GSTO2: variants seen among roughly 807,000 people sequenced by gnomAD.
GSTO2 encodes glutathione S-transferase omega 2, also known as glutathione S-transferase omega-2.
GSTO2 carries 23 observed loss-of-function variants against 28.4 expected under a neutral mutation model. That is an observed-to-expected ratio of 0.81 (90% CI 0.58 to 1.15). The LOEUF (loss-of-function observed/expected upper bound fraction) is 1.15, where lower values mean the gene tolerates loss of function less well. Ranked by LOEUF, GSTO2 falls within the 50% of genes most tolerant of loss-of-function variation. The pLI, the probability that GSTO2 is intolerant of heterozygous loss-of-function variation, is 0.00. For synonymous variants in GSTO2, 109 were observed against 111.0 expected (o/e 0.98, Z 0.11); for missense variants, 298 against 297.8 (o/e 1.00, Z 0.00).
Position 104,274,950 on chromosome 10 carries a change from G to T in GSTO2, c.34+1G>T, listed in dbSNP as rs375597280. 47 of 1,596,540 alleles carry T rather than the reference G, an allele frequency of 2.9e-5. No individual in the cohort carries two copies. Among genetic ancestry groups the T allele is most frequent in the Non-Finnish European group, 4.0e-5 (47 of 1,175,002 alleles). ...GATGCGACCAGGACCCTGGGGAAAG[G>T]TGAGTGCTCTCCATGGGGTCCGCGA... is the stretch of plus-strand genomic sequence containing the variant. On this transcript the variant is annotated splice_donor_variant, in intron 2 of 6. Coordinates refer to ENST00000338595, the MANE Select transcript of GSTO2 (RefSeq NM_183239.2). LOFTEE classifies it high-confidence loss of function.
chr10:104,285,625 TG>T (rs916824682), intron 5 of GSTO2, among the ~76,000 whole-genome samples: 2 of 152,076 alleles, frequency 1.3e-5, no homozygotes, highest in African/African-American at 4.8e-5. Context: ...GTTTTGTTTT[TG>T]TTTTTATTTG....
At chr10:104,287,077 A>G (rs2012477924) in intron 5 of GSTO2, among the ~76,000 whole-genome samples, 2 of 152,210 alleles carry the variant, frequency 1.3e-5, no homozygotes, top group Admixed American at 1.3e-4. Flanking sequence ...ATTTTGAGAC[A>G]GGGTTTTACT....
chr10:104,270,300 A>C (rs1455427865), intron 1 of GSTO2, among the ~76,000 whole-genome samples: 1 of 152,232 alleles, frequency 6.6e-6, no homozygotes, highest in Non-Finnish European at 1.5e-5. Context: ...GGCGTGAGCC[A>C]CCGCGCCCGG....
Position 104,277,984 on chromosome 10 carries a change from C to T in GSTO2, c.234C>T (p.Ser78=). ...PFGHIPVLET[S]QCQLIYESVI... Reference sequence around the variant, plus strand: ...GCCACATTCCTGTCCTGGAGACCAGCCAATGTCAACTGATCTATGAATCTG... The same window carrying T: ...GCCACATTCCTGTCCTGGAGACCAGTCAATGTCAACTGATCTATGAATCTG... Residue 78 remains serine (S), a synonymous_variant, in exon 4 of 7, where the codon AGC becomes AGT. Coordinates refer to ENST00000338595, the MANE Select transcript of GSTO2 (RefSeq NM_183239.2). 1.2e-6 allele frequency: 2 copies of T among 1,613,726 alleles called. No individual in the cohort carries two copies. The highest frequency in any genetic ancestry group is 1.7e-6 in the Non-Finnish European group (2 of 1,179,642).
chr10:104,294,761 G>C (rs892309782), intron 5 of GSTO2, among the ~76,000 whole-genome samples: 2 of 152,098 alleles, frequency 1.3e-5, no homozygotes, highest in African/African-American at 2.4e-5. Flanking sequence ...CCTTGATAAG[G>C]CTTGGGTTAT....
At chr10:104,280,848 A>G (rs1226705984) in intron 5 of GSTO2, among the ~76,000 whole-genome samples, 1 of 152,210 alleles carries the variant, frequency 6.6e-6, no homozygotes, top group Non-Finnish European at 1.5e-5. Flanking sequence ...AACAGATTAA[A>G]TGTATTGATA....
Position 104,304,086 on chromosome 10 carries a change from G to A in GSTO2, c.*4802G>A, listed in dbSNP as rs2013335296. 6.6e-6 allele frequency: 1 copy of A among 152,202 alleles called. No individual in the cohort carries two copies. Among genetic ancestry groups the A allele is most frequent in the Non-Finnish European group, 1.5e-5 (1 of 68,046 alleles). 9.4% of individuals were successfully genotyped at this position (152,202 alleles called of 1,614,324 possible). On this transcript the variant is annotated 3_prime_UTR_variant, in exon 7 of 7. Transcript: ENST00000338595. Reference sequence around the variant, plus strand: ...GGTTTATATCAGCCTAGCTTAGTTTGTTTTCTGAAGTCTTCACAAATAACC... The same window carrying A: ...GGTTTATATCAGCCTAGCTTAGTTTATTTTCTGAAGTCTTCACAAATAACC...
chr10:104,302,649 A>G lies in GSTO2; in HGVS notation c.*3365A>G, dbSNP rs1344681761. The G allele has an allele frequency of 6.6e-6, 1 of 152,234 alleles. No homozygotes were observed. Among genetic ancestry groups the G allele is most frequent in the Non-Finnish European group, 1.5e-5 (1 of 68,062 alleles). 9.4% of individuals were successfully genotyped at this position (152,234 alleles called of 1,614,324 possible). Reference sequence around the variant, plus strand: ...CCACCAAATTTCGTGTTGAAATGTAATCCCCAATGCTGGTGGGAGGTGATT... The same window carrying G: ...CCACCAAATTTCGTGTTGAAATGTAGTCCCCAATGCTGGTGGGAGGTGATT... On this transcript the variant is annotated 3_prime_UTR_variant, in exon 7 of 7. Coordinates refer to ENST00000338595, the MANE Select transcript of GSTO2 (RefSeq NM_183239.2).
Position 104,297,578 on chromosome 10 carries a change from A to G in GSTO2, c.469A>G (p.Ile157Val). 1 of 1,599,726 alleles carries G rather than the reference A, an allele frequency of 6.3e-7. No homozygotes were observed. Among genetic ancestry groups the G allele is most frequent in the Non-Finnish European group, 8.6e-7 (1 of 1,167,474 alleles). The change falls in exon 6 of 7, where the codon ATT becomes GTT. Residue 157 changes from isoleucine (I) to valine (V), a missense_variant and splice_region_variant. Transcript: ENST00000338595. ...LRQEFSNLEE[I>V]LEYQNTTFFG... ...GCTTTTGCTTTGTTTCCATTTTTAGATTCTTGAGTATCAGAACACCACCTT... is the reference window on the plus strand; with the variant it reads ...GCTTTTGCTTTGTTTCCATTTTTAGGTTCTTGAGTATCAGAACACCACCTT...
chr10:104,293,585 T>TTTTTTTTTTTTTTTTTTTTTTTTTTTTTG, intron 5 of GSTO2, among the ~76,000 whole-genome samples: 1 of 145,540 alleles, frequency 6.9e-6, no homozygotes, highest in Non-Finnish European at 1.5e-5. Flanking sequence ...TTTTTTTTTT[T>TTTTTTTTTTTTTTTTTTTTTTTTTTTTTG]GCGACAAGGT....
At chr10:104,298,036 C>G (rs1258783218) in intron 6 of GSTO2, among the ~76,000 whole-genome samples, 1 of 152,142 alleles carries the variant, frequency 6.6e-6, no homozygotes, top group Non-Finnish European at 1.5e-5. Flanking sequence ...TGACGGGTCC[C>G]CAGGGGACAC....
intron 5 of GSTO2, chr10:104,295,539 G>A (rs1447545729): frequency 6.6e-6 from 1 of 152,128 alleles, no homozygotes; most frequent in Non-Finnish European, 1.5e-5. Flanking sequence ...TACTCAGTGG[G>A]GCCAGAGTGT....
At chr10:104,283,997 C>A (rs180762665) in intron 5 of GSTO2, among the ~76,000 whole-genome samples, 2 of 151,680 alleles carry the variant, frequency 1.3e-5, no homozygotes, top group Admixed American at 1.3e-4. Flanking sequence ...TTTGAAATAA[C>A]TGCCTTGTCT....
chr10:104,289,199 G>A (rs1007725659), intron 5 of GSTO2, among the ~76,000 whole-genome samples: 1 of 152,114 alleles, frequency 6.6e-6, no homozygotes, highest in Non-Finnish European at 1.5e-5. Context: ...CTCAGGCTCA[G>A]GTGATCTTCC....
intron 5 of GSTO2, among the ~76,000 whole-genome samples, chr10:104,289,474 C>T (rs562666450): frequency 1.8e-4 from 28 of 151,984 alleles, no homozygotes; most frequent in Non-Finnish European, 3.7e-4. Flanking sequence ...GTCCTTTAAT[C>T]CCCAAATTTT....
At chr10:104,284,284 C>T (rs932820500) in intron 5 of GSTO2, among the ~76,000 whole-genome samples, 1 of 151,958 alleles carries the variant, frequency 6.6e-6, no homozygotes, top group African/African-American at 2.4e-5. Flanking sequence ...CACTTGAGTC[C>T]AGGAGGTCAA....
chr10:104,274,825 A>G lies in GSTO2; in HGVS notation c.-91A>G, dbSNP rs532270091. ...ATTTGGGGCAAGGGGTGCGCGCCAG[A>G]GCGCAGCTGTTTCTGGAGCCTGCGG... On this transcript the variant is annotated 5_prime_UTR_variant, in exon 2 of 7. Coordinates refer to ENST00000338595, the MANE Select transcript of GSTO2 (RefSeq NM_183239.2). 1.4e-4 allele frequency: 211 copies of G among 1,483,240 alleles called. 4 individuals are homozygous for G. Among genetic ancestry groups the G allele is most frequent in the South Asian group, 5.5e-4 (46 of 83,356 alleles). The allele number at this position is 1,483,240 out of a possible 1,614,324, so 91.9% of individuals were successfully genotyped here.
chr10:104,283,612 C>A (rs2012219431), intron 5 of GSTO2, among the ~76,000 whole-genome samples: 1 of 151,962 alleles, frequency 6.6e-6, no homozygotes, highest in Admixed American at 6.6e-5. Context: ...GGTGACACAG[C>A]AAGACTCTGT....
chr10:104,275,481 C>A, intron 3 of GSTO2, 147 bp downstream of exon 3: 2 of 669,116 alleles, frequency 3.0e-6, no homozygotes, highest in African/African-American at 1.9e-5. Context: ...TAGCAAAGGG[C>A]GAGCTTTTTT....
Sources: gnomAD v4.1 joint callset for allele counts (sites outside exome capture counted in the v4.1 genomes callset) on GRCh38, gnomAD v4.1.1 for gene constraint, MANE v1.5 for transcripts, NCBI Gene and HGNC (gene_info 2026-07-23, HGNC 2026-07-21) for gene names.